SEC61A2: variants seen among roughly 807,000 people sequenced by gnomAD.
SEC61A2 encodes the protein SEC61 translocon subunit alpha 2, also known as protein transport protein Sec61 subunit alpha isoform 2.
SEC61A2 carries 28 observed loss-of-function variants against 59.9 expected under a neutral mutation model. That is an observed-to-expected ratio of 0.47 (90% CI 0.35 to 0.64). The LOEUF (loss-of-function observed/expected upper bound fraction) is 0.64, where lower values mean the gene tolerates loss of function less well. Ranked by LOEUF, SEC61A2 falls within the 30% of genes least tolerant of loss-of-function variation. The pLI is 0.01. For missense variants in SEC61A2, 340 were observed against 585.9 expected, an observed-to-expected ratio of 0.58 and a Z score of 4.33; for synonymous variants, 202 against 214.4, an observed-to-expected ratio of 0.94 and a Z score of 0.50.
rs1288830488 is a variant in SEC61A2, at chr10:12,160,118, A to G, written c.976-812A>G. On this transcript the variant is annotated intron_variant, in intron 9 of 11. Coordinates refer to ENST00000298428, the MANE Select transcript of SEC61A2 (RefSeq NM_018144.4). The surrounding 1 kb of genome is among the most constrained non-coding windows in gnomAD (Gnocchi z 4.1). ...TCCTTAGAATAGTCCAGCAGCAGCT[A>G]TTACTCTGATCAGAATGTCATAGTG... 1.3e-5 allele frequency among the ~76,000 whole-genome samples: 2 copies of G among 152,176 alleles called. No individual in the cohort carries two copies. Among genetic ancestry groups the G allele is most frequent in the African/African-American group, 2.4e-5 (1 of 41,414 alleles).
chr10:12,162,450 A>G lies in SEC61A2; in HGVS notation c.1244+161A>G, dbSNP rs185373415. On this transcript the variant is annotated intron_variant, in intron 11 of 11. Coordinates refer to ENST00000298428, the MANE Select transcript of SEC61A2 (RefSeq NM_018144.4). The surrounding 1 kb of genome is among the most constrained non-coding windows in gnomAD (Gnocchi z 6.1). ...AAACTTGTTTTCCATGTCAAAACCAACACCTGAATTTTTCATTGAAATTGT... is the reference window on the plus strand; with the variant it reads ...AAACTTGTTTTCCATGTCAAAACCAGCACCTGAATTTTTCATTGAAATTGT... The G allele has an allele frequency of 2.6e-6, 2 of 776,904 alleles. No individual in the cohort carries two copies. The highest frequency in any genetic ancestry group is 1.7e-5 in the African/African-American group (1 of 59,282). 48.1% of individuals were successfully genotyped at this position (776,904 alleles called of 1,614,324 possible).
intron 1 of SEC61A2, among the ~76,000 whole-genome samples, chr10:12,130,249 T>C (rs1431472527): frequency 6.6e-6 from 1 of 152,090 alleles, no homozygotes; most frequent in Non-Finnish European, 1.5e-5. Flanking sequence ...GGAGTGTGCA[T>C]TGGTAACAGC....
chr10:12,139,677 G>A (rs889638404), intron 3 of SEC61A2, among the ~76,000 whole-genome samples: 2 of 152,156 alleles, frequency 1.3e-5, no homozygotes, highest in African/African-American at 4.8e-5. Flanking sequence ...CCAGCTGCTC[G>A]GGAGGCTGAG....
In SEC61A2 at chr10:12,162,404, G is replaced by C. The variant is rs756440606; in HGVS notation, c.1244+115G>C. On this transcript the variant is annotated intron_variant, in intron 11 of 11. Transcript: ENST00000298428. This position sits in a 1 kb window ranked among gnomAD's most constrained non-coding sequence, Gnocchi z 6.1. ...TATTTAAAACCCTTCTATTCACACAGATGAATCAAAATTTCACACAAAACT... is the reference window on the plus strand; with the variant it reads ...TATTTAAAACCCTTCTATTCACACACATGAATCAAAATTTCACACAAAACT... 2.9e-5 allele frequency: 27 copies of C among 935,216 alleles called. 1 individual carries two copies. Among genetic ancestry groups the C allele is most frequent in the Middle Eastern group, 2.1e-4 (1 of 4,778 alleles). The allele number at this position is 935,216 out of a possible 1,614,324, so 57.9% of individuals were successfully genotyped here. A position where few individuals can be genotyped will look rare whatever the true frequency, so the allele number is the denominator to read the frequency against.
intron 1 of SEC61A2, among the ~76,000 whole-genome samples, chr10:12,132,026 C>T (rs1210710641): frequency 7.1e-6 from 1 of 141,784 alleles, no homozygotes; most frequent in East Asian, 2.3e-4. Context: ...ACTACAGGGG[C>T]TGGGTACTGC....
intron 2 of SEC61A2, among the ~76,000 whole-genome samples, chr10:12,134,074 A>T (rs1306822486): frequency 7.2e-6 from 1 of 138,284 alleles, no homozygotes; most frequent in Admixed American, 7.3e-5. Context: ...TGGCGCCATC[A>T]AGGCTCACTG....
In SEC61A2 at chr10:12,149,985, T is replaced by G. The variant is rs757648672; in HGVS notation, c.462+24T>G. 1 of 1,491,072 alleles carries G rather than the reference T, an allele frequency of 6.7e-7. No homozygotes were observed. The allele number at this position is 1,491,072 out of a possible 1,614,324, so 92.4% of individuals were successfully genotyped here. On this transcript the variant is annotated intron_variant, in intron 6 of 11. Transcript: ENST00000298428. This position sits in a 1 kb window ranked among gnomAD's most constrained non-coding sequence, Gnocchi z 5.2. ...AGGTAAGAAATCCTATATTTTCCTA[T>G]GCAGATAACAAAACAGTTTGATTCC...
downstream of SEC61A2, chr10:12,169,865 C>G: frequency 2.6e-6 from 1 of 385,672 alleles, no homozygotes; most frequent in Non-Finnish European, 4.6e-6. This position sits in a 1 kb window ranked among gnomAD's most constrained non-coding sequence, Gnocchi z 4.8. Flanking sequence ...AACAATGCTT[C>G]AAATCACATT....
Position 12,161,080 on chromosome 10 carries a change from T to C in SEC61A2, c.1126T>C (p.Ser376Pro). The change falls in exon 10 of 12, where the codon TCT (serine) becomes CCT (proline). Residue 376 changes from serine (S) to proline (P), a missense_variant. By Grantham distance (74) the Ser-to-Pro change is moderately conservative. Around this residue, in one of 3 missense-constraint regions of SEC61A2, gnomAD observed 283 missense variants for 483.2 expected, o/e 0.59. Transcript: ENST00000298428. The surrounding 1 kb of genome is among the most constrained non-coding windows in gnomAD (Gnocchi z 5.4). ...IFMLGSCAFF[S>P]KTWIEVSGSS... The stretch of plus-strand genomic sequence containing the variant: ...CATGTTGGGGTCATGTGCATTCTTC[T>C]CTAAGACATGGATTGAAGTGTCTGG... 1 of 1,613,690 alleles carries C rather than the reference T, an allele frequency of 6.2e-7. No individual in the cohort carries two copies.
At chr10:12,166,636 G>T, downstream of SEC61A2, 1 of 445,838 alleles carries the variant, frequency 2.2e-6, no homozygotes, top group South Asian at 1.6e-5. Flanking sequence ...TGGCTTACCC[G>T]CTGGAGCCAG....
At chr10:12,130,370 A>G (rs964692825) in intron 1 of SEC61A2, among the ~76,000 whole-genome samples, 15 of 152,150 alleles carry the variant, frequency 9.9e-5, no homozygotes. Flanking sequence ...CCTCCCCGTA[A>G]CACTCAACCC....
rs764005787 is a variant in SEC61A2, at chr10:12,140,742, C to G, written c.142-2375C>G. ...CCCGGAGTAGCTGGGACTACAGGCA[C>G]GTGCCACCACGCCCAGCTAATTTTT... On this transcript the variant is annotated intron_variant, in intron 3 of 11. Transcript: ENST00000298428. Among the ~76,000 whole-genome samples the G allele has an allele frequency of 2.0e-5, 3 of 151,954 alleles. No homozygotes were observed. The East Asian group carries it at 5.8e-4, about 29-fold the overall frequency.
chr10:12,167,613 A>C, downstream of SEC61A2: 1 of 1,282,568 alleles, frequency 7.8e-7, no homozygotes, highest in Non-Finnish European at 1.1e-6. Context: ...GCTAATGGCA[A>C]ATCTACATTA....
intron 3 of SEC61A2, among the ~76,000 whole-genome samples, chr10:12,138,197 G>T (rs1833931217): frequency 6.6e-6 from 1 of 152,070 alleles, no homozygotes. Context: ...AGGATGAAAT[G>T]ATCTGATAAT....
At chr10:12,169,616 T>C, downstream of SEC61A2, 1 of 280,810 alleles carries the variant, frequency 3.6e-6, no homozygotes, top group Admixed American at 5.1e-5. This position sits in a 1 kb window ranked among gnomAD's most constrained non-coding sequence, Gnocchi z 4.8. Flanking sequence ...CTTTGAGCTG[T>C]CGAGGTGGCT....
intron 2 of SEC61A2, among the ~76,000 whole-genome samples, chr10:12,135,861 A>G (rs1464403736): frequency 2.0e-5 from 3 of 152,186 alleles, no homozygotes; most frequent in African/African-American, 7.2e-5. Context: ...TTATCCAGTC[A>G]TCAAGAAGCA....
At chr10:12,146,587 A>G (rs61848310) in intron 4 of SEC61A2, among the ~76,000 whole-genome samples, 38,300 of 149,364 alleles carry the variant, frequency 0.26, 5,169 homozygotes, top group Middle Eastern at 0.32. Flanking sequence ...GCGCGATGTC[A>G]GCTCACTGCA....
intron 4 of SEC61A2, among the ~76,000 whole-genome samples, chr10:12,144,157 T>C (rs1223812700): frequency 6.6e-6 from 1 of 152,104 alleles, no homozygotes; most frequent in Non-Finnish European, 1.5e-5. Context: ...TTTTTTTTGA[T>C]GTTTTTAGGT....
At position 12,136,092 on chromosome 10, in the gene SEC61A2, T is replaced by C; in HGVS notation, c.76-13T>C. Reference sequence around the variant, plus strand: ...TGGTTTTGATTGATGATTCTTTACATTTTGTTGTACAGATCCAGTTTAGAG... The same window carrying C: ...TGGTTTTGATTGATGATTCTTTACACTTTGTTGTACAGATCCAGTTTAGAG... On this transcript the variant is annotated splice_polypyrimidine_tract_variant and intron_variant, in intron 2 of 11. Coordinates refer to ENST00000298428, the MANE Select transcript of SEC61A2 (RefSeq NM_018144.4). 3 of 1,587,656 alleles carry C rather than the reference T, an allele frequency of 1.9e-6. No individual in the cohort carries two copies. Among genetic ancestry groups the C allele is most frequent in the Non-Finnish European group, 2.6e-6 (3 of 1,156,620 alleles).
Sources: allele counts gnomAD v4.1 joint callset (sites outside exome capture counted in the v4.1 genomes callset), GRCh38; gene constraint gnomAD v4.1.1; regional missense constraint gnomAD v4.1.1; non-coding constraint Gnocchi (gnomAD v3.1); transcripts MANE v1.5; gene names NCBI Gene and HGNC (gene_info 2026-07-23, HGNC 2026-07-21).